Variants in STRN3 observed in about 807,000 individuals in gnomAD.
The protein encoded by STRN3 is striatin-3.
STRN3 carries 29 observed loss-of-function variants against 95.6 expected under a neutral mutation model. That is an observed-to-expected ratio of 0.30 (90% confidence interval 0.23 to 0.41). The LOEUF (loss-of-function observed/expected upper bound fraction) is 0.41, where lower values mean the gene tolerates loss of function less well. Ranked by LOEUF, STRN3 falls within the 10% of genes least tolerant of loss-of-function variation. The pLI, the probability that STRN3 is intolerant of heterozygous loss-of-function variation, is 1.00. For synonymous variants in STRN3, 331 were observed against 357.6 expected, an observed-to-expected ratio of 0.93 and a Z score of 0.84; for missense variants, 890 against 972.1, an observed-to-expected ratio of 0.92 and a Z score of 1.12.
intron 15 of STRN3, among the ~76,000 whole-genome samples, chr14:30,905,143 A>G (rs1319713485): frequency 6.6e-6 from 1 of 152,070 alleles, no homozygotes; most frequent in Non-Finnish European, 1.5e-5. Context: ...TTAAAACTGA[A>G]TGCTGAGTAC....
chr14:30,951,798 A>G (rs906405307), intron 3 of STRN3, among the ~76,000 whole-genome samples: 1 of 152,194 alleles, frequency 6.6e-6, no homozygotes, highest in African/African-American at 2.4e-5. Flanking sequence ...TTCAGATAAC[A>G]AAGTGTACAC....
chr14:30,966,297 C>A (rs1880504001), intron 1 of STRN3, among the ~76,000 whole-genome samples: 2 of 152,126 alleles, frequency 1.3e-5, no homozygotes, highest in Admixed American at 1.3e-4. Context: ...AAGGGTGCAC[C>A]CTTCTATACA....
chr14:30,930,732 T>C (rs7153166), intron 7 of STRN3, among the ~76,000 whole-genome samples: 121,766 of 152,120 alleles, frequency 0.8, 49,253 homozygotes, highest in Non-Finnish European at 0.87. Context: ...TTCGCATGTA[T>C]TCAAATCATG....
Position 30,913,627 on chromosome 14 carries a change from C to T in STRN3, c.1271G>A (p.Gly424Asp), listed in dbSNP as rs756885670. ...ATCAGAACCCATAATAAATGACTTG[C>T]CTCCTCCAGATGGAAACGTTATTGG... ...AEPITFPSGG[G>D]KSFIMGSDDV... is the part of the protein sequence containing the mutation. The change falls in exon 10 of 18, where the codon GGC becomes GAC. Residue 424 changes from glycine to aspartate, a missense_variant. Physicochemically the swap from Gly to Asp is moderately conservative, Grantham distance 94. This residue lies in a region of STRN3 where 526 missense variants were observed against 526.3 expected (regional missense o/e 1.00). Transcript: ENST00000357479. The T allele has an allele frequency of 1.2e-5, 20 of 1,613,668 alleles. No homozygotes were observed. The Admixed American group carries it at 3.2e-4, about 26-fold the overall frequency.
At chr14:30,982,230 A>G (rs927163322) in intron 1 of STRN3, among the ~76,000 whole-genome samples, 4 of 152,192 alleles carry the variant, frequency 2.6e-5, no homozygotes, top group East Asian at 3.8e-4. Context: ...ATGAATTATA[A>G]AAAATACCAC....
rs573295006 is a variant in STRN3 at position 30,898,316 on chromosome 14, C to G, written c.2138-2568G>C. ...CAATTCACAGATCTAGTTCAAACTT[C>G]TCTCTTGAGAATGATCCTCTATCTC... is the stretch of plus-strand genomic sequence containing the variant. On this transcript the variant is annotated intron_variant, in intron 16 of 17. Coordinates refer to ENST00000357479, the MANE Select transcript of STRN3 (RefSeq NM_001083893.2). 2.2e-3 allele frequency among the ~76,000 whole-genome samples: 329 copies of G among 152,282 alleles called. 1 individual carries two copies. The highest frequency in any genetic ancestry group is 6.8e-3 in the Middle Eastern group (2 of 294).
chr14:31,018,611 A>G, intron 1 of STRN3: 1 of 507,460 alleles, frequency 2.0e-6, no homozygotes, highest in Non-Finnish European at 4.0e-6. Flanking sequence ...TACCCAGCAG[A>G]CCACAGAGCT....
At chr14:31,018,155 A>G (rs748778476) in intron 1 of STRN3, among the ~76,000 whole-genome samples, 1 of 152,118 alleles carries the variant, frequency 6.6e-6, no homozygotes, top group African/African-American at 2.4e-5. Context: ...AACCTTAATA[A>G]AAATATATTT....
At position 30,992,849 on chromosome 14, in the gene STRN3, AAAAC is replaced by A. The variant is rs1882028512; in HGVS notation, c.282+33051_282+33054del. On this transcript the variant is annotated intron_variant, in intron 1 of 17. Coordinates refer to ENST00000357479, the MANE Select transcript of STRN3 (RefSeq NM_001083893.2). ...GGCAACAGCCAGACCCTTATTTCTA[AAAAC>A]AAACAAACAAAATAGTGGGGAGGAC... Among the ~76,000 whole-genome samples the A allele has an allele frequency of 2.0e-5, 3 of 152,000 alleles. No individual in the cohort carries two copies. The East Asian group carries it at 5.8e-4, about 29-fold the overall frequency.
intron 16 of STRN3, among the ~76,000 whole-genome samples, chr14:30,900,446 G>GGT (rs1467634048): frequency 6.7e-6 from 1 of 148,882 alleles, no homozygotes; most frequent in Non-Finnish European, 1.5e-5. Context: ...TGTGGGGCGG[G>GGT]GGGGGGCGGT....
chr14:30,899,085 G>C (rs181093641), intron 16 of STRN3, among the ~76,000 whole-genome samples: 3 of 152,322 alleles, frequency 2.0e-5, no homozygotes, highest in Admixed American at 1.3e-4. Flanking sequence ...CTAGTCTGTA[G>C]CTCCAAGAGG....
At chr14:30,931,633 T>C (rs1453384622) in intron 7 of STRN3, among the ~76,000 whole-genome samples, 2 of 152,182 alleles carry the variant, frequency 1.3e-5, no homozygotes, top group Admixed American at 6.5e-5. Context: ...AGATCAAAGA[T>C]AGGAGACAAT....
At chr14:30,968,378 C>T (rs1237676753) in intron 1 of STRN3, among the ~76,000 whole-genome samples, 1 of 81,786 alleles carries the variant, frequency 1.2e-5, no homozygotes, top group African/African-American at 4.4e-5. Flanking sequence ...ATAAGATTAA[C>T]TGGTTTAAAA....
chr14:31,015,944 G>A (rs1488108335), intron 1 of STRN3, among the ~76,000 whole-genome samples: 2 of 152,150 alleles, frequency 1.3e-5, no homozygotes, highest in Non-Finnish European at 2.9e-5. Context: ...GGGACTTCAG[G>A]CACATGCTAC....
intron 1 of STRN3, among the ~76,000 whole-genome samples, chr14:31,007,334 T>C (rs752827046): frequency 2.0e-5 from 3 of 152,200 alleles, no homozygotes; most frequent in Admixed American, 6.5e-5. Context: ...GCAGAACTGG[T>C]AGACAATGTG....
chr14:31,015,502 A>AC (rs1883198311), intron 1 of STRN3, among the ~76,000 whole-genome samples: 1 of 151,772 alleles, frequency 6.6e-6, no homozygotes, highest in African/African-American at 2.4e-5. Context: ...CCTCCTGAGT[A>AC]GCTGAACTAC....
chr14:30,977,080 G>T (rs548610883), intron 1 of STRN3, among the ~76,000 whole-genome samples: 1 of 151,614 alleles, frequency 6.6e-6, no homozygotes, highest in South Asian at 2.1e-4. Flanking sequence ...CAAAAAATTC[G>T]CTGGGTATGG....
At chr14:30,955,584 T>TAAA in intron 3 of STRN3, 36 bp downstream of exon 3, 9 of 1,267,404 alleles carry the variant, frequency 7.1e-6, no homozygotes, top group Non-Finnish European at 8.6e-6. Flanking sequence ...AAAAATGAAT[T>TAAA]AAAAAAAAAA....
At chr14:30,938,164 T>C (rs1168177869) in intron 5 of STRN3, among the ~76,000 whole-genome samples, 1 of 151,610 alleles carries the variant, frequency 6.6e-6, no homozygotes, top group South Asian at 2.1e-4. Flanking sequence ...AAGGGTTGAC[T>C]ATATTTTTTA....
Sources: allele counts gnomAD v4.1 joint callset (sites outside exome capture counted in the v4.1 genomes callset), GRCh38; gene constraint gnomAD v4.1.1; regional missense constraint gnomAD v4.1.1; transcripts MANE v1.5; gene names NCBI Gene and HGNC (gene_info 2026-07-23, HGNC 2026-07-21).